Variants in HIKESHI observed in about 807,000 individuals in gnomAD.
The protein encoded by HIKESHI is heat shock protein nuclear import factor hikeshi, also known as protein Hikeshi.
In HIKESHI, 13 loss-of-function variants were observed where a neutral mutation model predicts 25.7. That is an observed-to-expected ratio of 0.51 (90% CI 0.33 to 0.80). The LOEUF (loss-of-function observed/expected upper bound fraction) is 0.80. HIKESHI is among the 30% of genes least tolerant of loss of function. The pLI, the probability that HIKESHI is intolerant of heterozygous loss-of-function variation, is 0.02. For missense variants in HIKESHI, 174 were observed against 229.5 expected (o/e 0.76, Z 1.56); for synonymous variants, 76 against 78.7 (o/e 0.97, Z 0.18).
At chr11:86,321,321 TTGCC>T (rs1044537262) in intron 2 of HIKESHI, among the ~76,000 whole-genome samples, 4 of 152,192 alleles carry the variant, frequency 2.6e-5, no homozygotes, top group African/African-American at 9.7e-5. Flanking sequence ...GTTTAGCTGT[TTGCC>T]TGCTGATGGA....
At chr11:86,329,037 G>A (rs535172358) in intron 2 of HIKESHI, among the ~76,000 whole-genome samples, 14 of 151,832 alleles carry the variant, frequency 9.2e-5, no homozygotes, top group Non-Finnish European at 1.9e-4. Context: ...GGTTCCAAAA[G>A]TATTAAATGT....
intron 2 of HIKESHI, among the ~76,000 whole-genome samples, chr11:86,332,051 C>T (rs1177881923): frequency 1.3e-5 from 2 of 150,374 alleles, no homozygotes; most frequent in Non-Finnish European, 3.0e-5. Context: ...CACTCCGCCT[C>T]CTGTGTTCAT....
intron 2 of HIKESHI, among the ~76,000 whole-genome samples, 178 bp from the exon 3 acceptor site, chr11:86,337,201 A>T (rs1045776122): frequency 1.3e-5 from 2 of 152,154 alleles, no homozygotes; most frequent in South Asian, 4.1e-4. Context: ...TAGTTCTTTT[A>T]TTCTTTGTTA....
At chr11:86,332,020 G>A (rs535007115) in intron 2 of HIKESHI, among the ~76,000 whole-genome samples, 22 of 142,812 alleles carry the variant, frequency 1.5e-4, no homozygotes, top group Non-Finnish European at 2.8e-4. Flanking sequence ...TTGCTCTGTC[G>A]CTCAGGCTGG....
intron 3 of HIKESHI, among the ~76,000 whole-genome samples, chr11:86,338,433 C>T (rs1947628038): frequency 6.6e-6 from 1 of 152,162 alleles, no homozygotes; most frequent in Non-Finnish European, 1.5e-5. Flanking sequence ...TATATGGGTA[C>T]AGATTCAGGA....
chr11:86,304,952 G>A (rs963388727), intron 1 of HIKESHI, among the ~76,000 whole-genome samples: 1 of 152,142 alleles, frequency 6.6e-6, no homozygotes, highest in Admixed American at 6.6e-5. Context: ...TGAATAAGGA[G>A]GATTGCCTAA....
At chr11:86,318,965 G>A (rs1473451890) in intron 2 of HIKESHI, among the ~76,000 whole-genome samples, 1 of 152,066 alleles carries the variant, frequency 6.6e-6, no homozygotes, top group East Asian at 1.9e-4. Context: ...TTTCCAGGCT[G>A]GAGTGCAATG....
intron 2 of HIKESHI, among the ~76,000 whole-genome samples, chr11:86,311,715 C>G (rs1946840226): frequency 6.6e-6 from 1 of 152,204 alleles, no homozygotes; most frequent in Non-Finnish European, 1.5e-5. Flanking sequence ...AAATTTCCCT[C>G]TACACACTGC....
At chr11:86,312,857 C>A (rs1478695933) in intron 2 of HIKESHI, among the ~76,000 whole-genome samples, 5 of 152,256 alleles carry the variant, frequency 3.3e-5, no homozygotes, top group Non-Finnish European at 7.4e-5. Context: ...GTTGAAAATT[C>A]TTTTCTTTAA....
chr11:86,314,804 G>A (rs1310048437), intron 2 of HIKESHI, among the ~76,000 whole-genome samples: 1 of 152,180 alleles, frequency 6.6e-6, no homozygotes, highest in African/African-American at 2.4e-5. Context: ...GGTTCTTAAA[G>A]CATGAGCTCC....
chr11:86,340,121 G>T (rs370928420), intron 3 of HIKESHI, among the ~76,000 whole-genome samples: 39 of 152,146 alleles, frequency 2.6e-4, no homozygotes, highest in African/African-American at 8.9e-4. Context: ...TGGTGTATAT[G>T]TGCCACATTT....
Position 86,302,364 on chromosome 11 carries a change from T to A in HIKESHI, c.-85T>A. On this transcript the variant is annotated 5_prime_UTR_variant, in exon 1 of 5. Coordinates refer to ENST00000278483, the MANE Select transcript of HIKESHI (RefSeq NM_016401.4). ...ACACCCTCCCGCAAATTCTGGAAGGTTCTTAGTCTCGACTAGGGCAGTAGC... is the reference window on the plus strand; with the variant it reads ...ACACCCTCCCGCAAATTCTGGAAGGATCTTAGTCTCGACTAGGGCAGTAGC... 1 of 1,517,160 alleles carries A rather than the reference T, an allele frequency of 6.6e-7. No individual in the cohort carries two copies. Among genetic ancestry groups the A allele is most frequent in the Non-Finnish European group, 8.9e-7 (1 of 1,119,042 alleles). The allele number at this position is 1,517,160 out of a possible 1,614,324, so 94.0% of individuals were successfully genotyped here. A position where few individuals can be genotyped will look rare whatever the true frequency, so the allele number is the denominator to read the frequency against.
chr11:86,341,246 AT>A (rs1490702832), intron 3 of HIKESHI, among the ~76,000 whole-genome samples: 2 of 152,212 alleles, frequency 1.3e-5, no homozygotes, highest in Non-Finnish European at 2.9e-5. Flanking sequence ...TTAAATCAGT[AT>A]TAAAAGTTTA....
At chr11:86,312,003 G>A (rs1162489705) in intron 2 of HIKESHI, among the ~76,000 whole-genome samples, 3 of 152,192 alleles carry the variant, frequency 2.0e-5, no homozygotes, top group East Asian at 1.9e-4. Flanking sequence ...TTTGGAATAA[G>A]TGCGATGTGG....
chr11:86,304,751 G>A (rs1309147587), intron 1 of HIKESHI, among the ~76,000 whole-genome samples: 1 of 152,086 alleles, frequency 6.6e-6, no homozygotes. Context: ...CCTGACCTCA[G>A]GTGATCAACC....
At chr11:86,327,199 A>G (rs192430092) in intron 2 of HIKESHI, among the ~76,000 whole-genome samples, 1 of 152,310 alleles carries the variant, frequency 6.6e-6, no homozygotes, top group African/African-American at 2.4e-5. Context: ...ATGAAAGGGT[A>G]GCATATATTG....
chr11:86,345,159 G>C, intron 4 of HIKESHI: 2 of 1,039,666 alleles, frequency 1.9e-6, no homozygotes, highest in Non-Finnish European at 2.3e-6. Flanking sequence ...GTTGAGAAGT[G>C]GTACCATGGT....
intron 2 of HIKESHI, among the ~76,000 whole-genome samples, chr11:86,320,618 G>A (rs770966686): frequency 3.3e-5 from 5 of 152,142 alleles, no homozygotes; most frequent in Non-Finnish European, 7.4e-5. Flanking sequence ...TTAACAGATT[G>A]TGGTAGCTTT....
intron 2 of HIKESHI, among the ~76,000 whole-genome samples, chr11:86,316,919 G>A (rs146792384): frequency 3.0e-3 from 451 of 150,904 alleles, no homozygotes; most frequent in African/African-American, 1.0e-2. Flanking sequence ...TCAGCCTCCC[G>A]AGTACCTGGG....
Sources: gnomAD v4.1 joint callset for allele counts (sites outside exome capture counted in the v4.1 genomes callset) on GRCh38, gnomAD v4.1.1 for gene constraint, MANE v1.5 for transcripts, NCBI Gene and HGNC (gene_info 2026-07-23, HGNC 2026-07-21) for gene names.